The following ZNF365 variants were observed in gnomAD, a reference collection of about 807,000 sequenced individuals.
ZNF365 encodes the protein zinc finger protein 365, also known as protein ZNF365.
A neutral mutation model predicts 35.0 loss-of-function variants in ZNF365; 22 were observed. That is an observed-to-expected ratio of 0.63 (90% confidence interval 0.45 to 0.90). The LOEUF is 0.90. Among genes scored for constraint, ZNF365 ranks in the 40% least tolerant of loss-of-function variants. ZNF365 has a pLI of 0.00. For missense variants in ZNF365, 448 were observed against 500.3 expected (o/e 0.90, Z 1.00); for synonymous variants, 188 against 196.2 (o/e 0.96, Z 0.35).
intron 3 of ZNF365, among the ~76,000 whole-genome samples, chr10:62,418,773 AT>A (rs1840120136): frequency 6.6e-6 from 1 of 152,122 alleles, no homozygotes; most frequent in African/African-American, 2.4e-5. Context: ...TAAAAGGGGC[AT>A]CTTCCTCAAA....
At chr10:62,398,906 G>GTGAAAA in intron 4 of ZNF365, 129 bp downstream of exon 4, 2 of 892,248 alleles carry the variant, frequency 2.2e-6, no homozygotes, top group South Asian at 3.6e-5. Flanking sequence ...GGAGGCTTAA[G>GTGAAAA]TGAAAACTGA....
At chr10:62,453,514 C>G (rs1840715998) in intron 3 of ZNF365, among the ~76,000 whole-genome samples, 1 of 152,212 alleles carries the variant, frequency 6.6e-6, no homozygotes, top group Non-Finnish European at 1.5e-5. Flanking sequence ...CCACATTTTC[C>G]TTATCCAATC....
exon 5 of ZNF365, chr10:62,480,010 C>T (rs893415695): frequency 1.3e-6 from 2 of 1,507,228 alleles, no homozygotes; most frequent in African/African-American, 2.8e-5. Flanking sequence ...ATGTTTTACA[C>T]TCCAGGAACT....
chr10:62,448,360 G>T (rs1056629509), intron 3 of ZNF365, among the ~76,000 whole-genome samples: 4 of 152,176 alleles, frequency 2.6e-5, no homozygotes, highest in African/African-American at 7.2e-5. Context: ...AGCCTAGAGT[G>T]GGGGACAGCT....
intron 3 of ZNF365, among the ~76,000 whole-genome samples, chr10:62,424,317 G>T (rs982818607): frequency 5.9e-5 from 9 of 152,122 alleles, no homozygotes; most frequent in African/African-American, 2.2e-4. Flanking sequence ...CCTTTTTGCA[G>T]GCACCAGTAC....
intron 4 of ZNF365, 51 bp from the exon 5 acceptor site, chr10:62,399,477 A>T: frequency 6.3e-7 from 1 of 1,590,408 alleles, no homozygotes; most frequent in Non-Finnish European, 8.6e-7. Flanking sequence ...TTTTAAAGAA[A>T]TCTTTCTTTC....
At chr10:62,413,842 A>G (rs954465639) in intron 3 of ZNF365, among the ~76,000 whole-genome samples, 3 of 152,200 alleles carry the variant, frequency 2.0e-5, no homozygotes, top group African/African-American at 7.2e-5. Flanking sequence ...ACCATCCTCT[A>G]TCAAAACTTC....
At chr10:62,378,016 G>T (rs189820885) in intron 2 of ZNF365, among the ~76,000 whole-genome samples, 5 of 152,132 alleles carry the variant, frequency 3.3e-5, no homozygotes, top group African/African-American at 9.7e-5. Flanking sequence ...AAATGCTTAC[G>T]TTCTACCTTG....
intron 3 of ZNF365, among the ~76,000 whole-genome samples, chr10:62,446,677 T>G (rs1043372005): frequency 2.0e-5 from 3 of 152,248 alleles, no homozygotes; most frequent in Admixed American, 1.3e-4. Context: ...TATAAAATTT[T>G]GGGGGAAAAA....
intron 2 of ZNF365, among the ~76,000 whole-genome samples, chr10:62,377,742 G>A (rs1312082667): frequency 4.6e-5 from 7 of 152,204 alleles, no homozygotes; most frequent in Non-Finnish European, 1.0e-4. Context: ...ACAAGTCAGT[G>A]TATTTCCCAA....
chr10:62,416,512 A>G (rs1840079118), intron 3 of ZNF365, among the ~76,000 whole-genome samples: 1 of 152,154 alleles, frequency 6.6e-6, no homozygotes, highest in African/African-American at 2.4e-5. Context: ...ATGACAGAAA[A>G]TGAGAAAAAA....
chr10:62,440,172 TTTTA>T (rs148188582), intron 3 of ZNF365, among the ~76,000 whole-genome samples: 132 of 150,742 alleles, frequency 8.8e-4, no homozygotes, highest in African/African-American at 2.4e-3. Context: ...GAATGCATAG[TTTTA>T]TTTATTTATT....
intron 3 of ZNF365, among the ~76,000 whole-genome samples, chr10:62,454,935 G>A (rs1267196716): frequency 6.6e-6 from 1 of 152,202 alleles, no homozygotes; most frequent in Non-Finnish European, 1.5e-5. Flanking sequence ...GCAAAGTTAG[G>A]CACATCTTGT....
At chr10:62,434,946 A>G (rs190047676) in intron 3 of ZNF365, among the ~76,000 whole-genome samples, 55 of 152,304 alleles carry the variant, frequency 3.6e-4, no homozygotes, top group Admixed American at 1.3e-3. Context: ...CATGCATCAG[A>G]CACTGTTTCA....
chr10:62,382,069 G>A (rs1839449032), intron 2 of ZNF365, among the ~76,000 whole-genome samples: 1 of 152,212 alleles, frequency 6.6e-6, no homozygotes, highest in African/African-American at 2.4e-5. Flanking sequence ...TATGACAAAT[G>A]AGACATAGAG....
chr10:62,453,137 A>C (rs1840709744), intron 3 of ZNF365, among the ~76,000 whole-genome samples: 2 of 152,214 alleles, frequency 1.3e-5, no homozygotes, highest in Admixed American at 6.5e-5. Context: ...ATCTTTAAAA[A>C]ATTTTTTAAA....
At chr10:62,439,490 A>C (rs1840460956) in intron 3 of ZNF365, among the ~76,000 whole-genome samples, 2 of 152,190 alleles carry the variant, frequency 1.3e-5, no homozygotes, top group South Asian at 4.1e-4. Flanking sequence ...CCAATGAAGC[A>C]TAGGGGAAAT....
intron 3 of ZNF365, among the ~76,000 whole-genome samples, chr10:62,433,951 G>A (rs1324921206): frequency 6.6e-6 from 1 of 152,156 alleles, no homozygotes; most frequent in Non-Finnish European, 1.5e-5. Context: ...GATTCTTAGT[G>A]AGCTGTGTGA....
At chr10:62,472,868 A>G (rs1841065556) in intron 4 of ZNF365, among the ~76,000 whole-genome samples, 1 of 152,202 alleles carries the variant, frequency 6.6e-6, no homozygotes, top group African/African-American at 2.4e-5. Flanking sequence ...GATATGGGGA[A>G]AATTCCAAGT....
Sources: allele counts gnomAD v4.1 joint callset (sites outside exome capture counted in the v4.1 genomes callset), GRCh38; gene constraint gnomAD v4.1.1; transcripts MANE v1.5; gene names NCBI Gene and HGNC (gene_info 2026-07-23, HGNC 2026-07-21).